RASSF8: variants seen among roughly 807,000 people sequenced by gnomAD.
RASSF8 encodes the protein ras association domain-containing protein 8.
A neutral mutation model predicts 48.5 loss-of-function variants in RASSF8; 22 were observed. The ratio of observed to expected loss-of-function variants is 0.45; its 90% CI spans 0.32 to 0.65. The LOEUF (loss-of-function observed/expected upper bound fraction) is 0.65. RASSF8 is among the 30% of genes least tolerant of loss of function. The probability of loss-of-function intolerance (pLI) is 0.03; values close to 1 mark genes in which losing one functional copy is unlikely to be tolerated. For synonymous variants in RASSF8, 127 were observed against 171.5 expected, an observed-to-expected ratio of 0.74 and a Z score of 2.03; for missense variants, 418 against 489.2, an observed-to-expected ratio of 0.85 and a Z score of 1.37.
At position 26,069,009 on chromosome 12, in the gene RASSF8, C is replaced by T; in HGVS notation, c.*191C>T. 2.3e-6 allele frequency: 3 copies of T among 1,315,520 alleles called. No homozygotes were observed. The highest frequency in any genetic ancestry group is 2.9e-6 in the Non-Finnish European group (3 of 1,030,250). 81.5% of individuals were successfully genotyped at this position (1,315,520 alleles called of 1,614,324 possible). On this transcript the variant is annotated 3_prime_UTR_variant, in exon 6 of 6. Transcript: ENST00000689635. ...AAAGAACAAAGAAACTGTGTTTTCACACATCAACAGTGTTGATATTTTTGT... is the reference window on the plus strand; with the variant it reads ...AAAGAACAAAGAAACTGTGTTTTCATACATCAACAGTGTTGATATTTTTGT...
At position 26,016,209 on chromosome 12, in the gene RASSF8, T is replaced by G. The variant is rs868158649; in HGVS notation, c.-109+21079T>G. ...AGTTATTAAGGGCTGTTTTTGGGTT[T>G]TTTTTTTTTTTTATTTGTTTGTTTG... On this transcript the variant is annotated intron_variant, in intron 2 of 5. Transcript: ENST00000689635. Among the ~76,000 whole-genome samples the G allele has an allele frequency of 2.1e-3, 316 of 147,644 alleles. 1 individual carries two copies. Among genetic ancestry groups the G allele is most frequent in the African/African-American group, 6.2e-3 (243 of 39,420 alleles).
chr12:26,045,449 G>A (rs959565778), intron 2 of RASSF8, among the ~76,000 whole-genome samples: 2 of 152,036 alleles, frequency 1.3e-5, no homozygotes, highest in Non-Finnish European at 2.9e-5. Context: ...TTACATATTT[G>A]TTTTATTACC....
intron 3 of RASSF8, among the ~76,000 whole-genome samples, chr12:26,059,169 G>A (rs1943684213): frequency 6.6e-6 from 1 of 152,162 alleles, no homozygotes; most frequent in South Asian, 2.1e-4. Context: ...ATATGACAAG[G>A]ATGTATTTCT....
intron 1 of RASSF8, among the ~76,000 whole-genome samples, chr12:25,981,572 G>A (rs1941745248): frequency 1.3e-5 from 2 of 152,186 alleles, no homozygotes; most frequent in Non-Finnish European, 2.9e-5. Flanking sequence ...TTAAGTTATT[G>A]CTATCAGATG....
intron 1 of RASSF8, among the ~76,000 whole-genome samples, chr12:25,983,414 A>G (rs864920): frequency 0.9 from 136,433 of 152,246 alleles, 61,278 homozygotes; most frequent in East Asian, 0.99. Context: ...TCACTTACTG[A>G]CACATGTGTA....
intron 1 of RASSF8, among the ~76,000 whole-genome samples, chr12:25,966,661 G>T (rs553747402): frequency 6.6e-6 from 1 of 152,202 alleles, no homozygotes; most frequent in East Asian, 1.9e-4. Flanking sequence ...TAAATTTTGA[G>T]AATTCTTATA....
chr12:26,067,530 T>G, intron 4 of RASSF8, 39 bp from the exon 5 acceptor site: 1 of 1,549,288 alleles, frequency 6.5e-7, no homozygotes, highest in Non-Finnish European at 8.8e-7. Flanking sequence ...TGTCCAGTAG[T>G]GAATCCTCAA....
downstream of RASSF8, among the ~76,000 whole-genome samples, chr12:26,074,177 C>T (rs1313204796): frequency 6.6e-6 from 1 of 152,152 alleles, no homozygotes; most frequent in East Asian, 1.9e-4. Context: ...TAACTCTTCA[C>T]CCACTACCCT....
chr12:25,994,278 TAAAA>T (rs57936692), intron 1 of RASSF8, among the ~76,000 whole-genome samples: 54,729 of 138,966 alleles, frequency 0.39, 10,770 homozygotes, highest in Non-Finnish European at 0.48. Context: ...GATAGATTTT[TAAAA>T]AAAAAAAAAA....
intron 1 of RASSF8, among the ~76,000 whole-genome samples, chr12:25,963,321 CAAAAAAAA>C (rs61607517): frequency 3.1e-5 from 3 of 96,178 alleles, no homozygotes; most frequent in East Asian, 5.5e-4. Context: ...TTGTTTTAGC[CAAAAAAAA>C]AAAAAAAAAA....
At chr12:26,047,101 G>C (rs180817251) in intron 2 of RASSF8, among the ~76,000 whole-genome samples, 7 of 152,338 alleles carry the variant, frequency 4.6e-5, no homozygotes, top group Non-Finnish European at 7.4e-5. Context: ...ACATGCCTCA[G>C]ATCATCTCTG....
intron 2 of RASSF8, among the ~76,000 whole-genome samples, chr12:26,008,345 A>T (rs1389275717): frequency 1.3e-5 from 2 of 152,172 alleles, no homozygotes; most frequent in African/African-American, 4.8e-5. Context: ...CAGCCAGTTG[A>T]TGTAATGTTG....
chr12:26,076,826 T>G (rs1944076715), downstream of RASSF8, among the ~76,000 whole-genome samples: 1 of 152,204 alleles, frequency 6.6e-6, no homozygotes, highest in Non-Finnish European at 1.5e-5. Flanking sequence ...TCTAGATCCT[T>G]AAGGAATCGC....
intron 2 of RASSF8, among the ~76,000 whole-genome samples, chr12:26,036,533 T>C (rs1943154119): frequency 6.6e-6 from 1 of 152,128 alleles, no homozygotes; most frequent in African/African-American, 2.4e-5. Flanking sequence ...TAATTTTTAT[T>C]TTAAAAGAGC....
intron 3 of RASSF8, among the ~76,000 whole-genome samples, chr12:26,056,509 G>T (rs1160572472): frequency 1.3e-5 from 2 of 152,180 alleles, no homozygotes; most frequent in Non-Finnish European, 1.5e-5. Context: ...TTGATTTTAT[G>T]TCTCGCCAGT....
chr12:26,066,918 C>A (rs200215122), intron 4 of RASSF8, among the ~76,000 whole-genome samples: 1 of 152,218 alleles, frequency 6.6e-6, no homozygotes, highest in East Asian at 1.9e-4. Context: ...AACTTGATCT[C>A]CTTCTGTAGG....
At chr12:25,960,028 T>A (rs1163215770) in intron 1 of RASSF8, among the ~76,000 whole-genome samples, 1 of 151,660 alleles carries the variant, frequency 6.6e-6, no homozygotes, top group African/African-American at 2.4e-5. Context: ...CCCTGTCAGG[T>A]TAGCATTAAA....
chr12:25,999,654 C>T (rs1942210223), intron 2 of RASSF8, among the ~76,000 whole-genome samples: 1 of 152,174 alleles, frequency 6.6e-6, no homozygotes, highest in Admixed American at 6.6e-5. Flanking sequence ...CACCACTGTG[C>T]TCCACCCTGG....
At position 25,986,968 on chromosome 12, in the gene RASSF8, G is replaced by A. The variant is rs139989336; in HGVS notation, c.-202-8069G>A. ...TTTGTTTGTTTTGCAACGGAGTTTC[G>A]CTCGTCGCCCAGGCTGGAGTGCAAT... On this transcript the variant is annotated intron_variant, in intron 1 of 5. Transcript: ENST00000689635. Among the ~76,000 whole-genome samples, 921 of 147,738 alleles carry A rather than the reference G, an allele frequency of 6.2e-3. 10 individuals are homozygous for A. The highest frequency in any genetic ancestry group is 0.022 in the African/African-American group (879 of 40,644).
Sources: allele counts gnomAD v4.1 joint callset (sites outside exome capture counted in the v4.1 genomes callset), GRCh38; gene constraint gnomAD v4.1.1; transcripts MANE v1.5; gene names NCBI Gene and HGNC (gene_info 2026-07-23, HGNC 2026-07-21).